The following MERTK variants were observed in gnomAD, a reference collection of about 807,000 sequenced individuals.
MERTK encodes tyrosine-protein kinase Mer.
A neutral mutation model predicts 99.3 loss-of-function variants in MERTK; 69 were observed. That is an observed-to-expected ratio of 0.70 (90% confidence interval 0.57 to 0.85). MERTK has a LOEUF of 0.85. MERTK is among the 40% of genes least tolerant of loss of function. The pLI, the probability that MERTK is intolerant of heterozygous loss-of-function variation, is 0.00. For synonymous variants in MERTK, 426 were observed against 467.6 expected, an observed-to-expected ratio of 0.91 and a Z score of 1.15; for missense variants, 1,125 against 1,249.4, an observed-to-expected ratio of 0.90 and a Z score of 1.50.
At chr2:112,007,489 A>G (rs1677006939) in intron 13 of MERTK, among the ~76,000 whole-genome samples, 1 of 151,936 alleles carries the variant, frequency 6.6e-6, no homozygotes, top group South Asian at 2.1e-4. Flanking sequence ...GAACCTCTAC[A>G]CCTACCGAAC....
chr2:111,935,180 G>A (rs1684742166), intron 2 of MERTK, among the ~76,000 whole-genome samples: 1 of 152,076 alleles, frequency 6.6e-6, no homozygotes, highest in Admixed American at 6.5e-5. Context: ...TATCAAAATG[G>A]CCATCCTTGC....
At chr2:112,009,299 A>C (rs1201598479) in intron 14 of MERTK, among the ~76,000 whole-genome samples, 1 of 152,220 alleles carries the variant, frequency 6.6e-6, no homozygotes, top group Non-Finnish European at 1.5e-5. Flanking sequence ...GAACAATTGC[A>C]CTTTGTGATC....
At chr2:112,009,063 C>T (rs1303527478) in intron 14 of MERTK, among the ~76,000 whole-genome samples, 5 of 152,142 alleles carry the variant, frequency 3.3e-5, no homozygotes, top group Non-Finnish European at 7.3e-5. Context: ...GGCTCTGTCC[C>T]AAGAGAGAAG....
rs1051747520 is a variant in MERTK, at chr2:111,911,928, A to G, written c.61+13132A>G. Among the ~76,000 whole-genome samples the G allele has an allele frequency of 8.6e-5, 13 of 151,764 alleles. No individual in the cohort carries two copies. The East Asian group carries it at 2.3e-3, about 27-fold the overall frequency. The stretch of plus-strand genomic sequence containing the variant: ...GGTCTCTAACTCCTGGGGTCAAGTG[A>G]TCCTCCTGCCTCGGCCTGCCAAAGT... On this transcript the variant is annotated intron_variant, in intron 1 of 18. Transcript: ENST00000295408.
chr2:111,947,786 G>T (rs1401104943), intron 4 of MERTK, among the ~76,000 whole-genome samples: 2 of 152,134 alleles, frequency 1.3e-5, no homozygotes, highest in Non-Finnish European at 2.9e-5. Flanking sequence ...GCCTCTGGGG[G>T]TACATAGGGT....
chr2:111,944,908 A>G (rs1045755361), intron 2 of MERTK, 52 bp from the exon 3 acceptor site: 40 of 1,434,142 alleles, frequency 2.8e-5, no homozygotes, highest in Non-Finnish European at 3.8e-5. Flanking sequence ...ATCCTATAAT[A>G]GGAACTCAAA....
At chr2:111,987,383 C>T (rs1464032639) in intron 8 of MERTK, among the ~76,000 whole-genome samples, 1 of 152,090 alleles carries the variant, frequency 6.6e-6, no homozygotes, top group Non-Finnish European at 1.5e-5. Flanking sequence ...TTCTATTTTT[C>T]TTGCGATTCC....
rs368347736 is a variant in MERTK, at chr2:112,003,980, G to A, written c.1863G>A (p.Met621Ile). ...GTSLKVAVKT[M>I]KLDNSSQREI... ...CTCTGAAAGTGGCAGTGAAGACCAT[G>A]AAGTGTGAGTTATCAGTGATGAATC... Residue 621 changes from methionine to isoleucine, a missense_variant, in exon 13 of 19, where the codon ATG becomes ATA. By Grantham distance (10) the Met-to-Ile change is conservative. Coordinates refer to ENST00000295408, the MANE Select transcript of MERTK (RefSeq NM_006343.3). 6.2e-7 allele frequency: 1 copy of A among 1,611,730 alleles called. No individual in the cohort carries two copies. The highest frequency in any genetic ancestry group is 1.3e-5 in the African/African-American group (1 of 74,866).
At chr2:111,916,566 A>T (rs937107387) in intron 1 of MERTK, among the ~76,000 whole-genome samples, 3 of 151,848 alleles carry the variant, frequency 2.0e-5, no homozygotes, top group African/African-American at 4.8e-5. Context: ...TTTTAAAAAG[A>T]TCTTCTATTT....
intron 1 of MERTK, among the ~76,000 whole-genome samples, chr2:111,904,574 C>T (rs1163567028): frequency 1.3e-5 from 2 of 152,188 alleles, no homozygotes; most frequent in East Asian, 3.9e-4. Context: ...CGGGGTTTCA[C>T]CGTGTTGGGC....
chr2:111,957,144 G>A (rs919919729), intron 4 of MERTK, among the ~76,000 whole-genome samples: 3 of 151,616 alleles, frequency 2.0e-5, no homozygotes, highest in African/African-American at 7.3e-5. Flanking sequence ...AGCCAGGATG[G>A]TCTCGATCTC....
chr2:111,966,909 A>T (rs1685368807), intron 5 of MERTK, among the ~76,000 whole-genome samples: 1 of 152,090 alleles, frequency 6.6e-6, no homozygotes, highest in South Asian at 2.1e-4. Context: ...TCATTCCATC[A>T]TCACCTTCAT....
At chr2:111,992,416 G>T (rs1380991967) in intron 8 of MERTK, among the ~76,000 whole-genome samples, 5 of 152,060 alleles carry the variant, frequency 3.3e-5, no homozygotes, top group African/African-American at 1.2e-4. Context: ...CATGTGCCTT[G>T]CCCTGTATAG....
intron 16 of MERTK, chr2:112,020,625 A>C (rs1231875458): frequency 2.1e-6 from 1 of 470,952 alleles, no homozygotes; most frequent in Non-Finnish European, 4.4e-6. Context: ...CCATCTTAGC[A>C]AGAAGCCCAG....
intron 8 of MERTK, among the ~76,000 whole-genome samples, chr2:111,988,131 C>G (rs1676526433): frequency 6.6e-6 from 1 of 151,974 alleles, no homozygotes; most frequent in South Asian, 2.1e-4. Flanking sequence ...TGTACTTGGC[C>G]CAAGACCTCG....
chr2:112,001,382 C>T (rs972668727), intron 11 of MERTK, 96 bp downstream of exon 11: 12 of 990,988 alleles, frequency 1.2e-5, no homozygotes, highest in African/African-American at 4.8e-5. Flanking sequence ...CCAAAGATGT[C>T]GAAGAAGAAT....
At chr2:111,920,191 A>G (rs890767810) in intron 1 of MERTK, among the ~76,000 whole-genome samples, 6 of 152,214 alleles carry the variant, frequency 3.9e-5, no homozygotes, top group African/African-American at 1.4e-4. Flanking sequence ...TGGCAACCCA[A>G]TGCCAACACC....
chr2:111,970,608 C>G (rs1034141934), intron 6 of MERTK, among the ~76,000 whole-genome samples: 8 of 152,252 alleles, frequency 5.3e-5, no homozygotes, highest in African/African-American at 1.7e-4. Flanking sequence ...CTTGTGGTAG[C>G]TTTTTCTGGT....
At chr2:112,000,518 G>A (rs1676846758) in intron 10 of MERTK, among the ~76,000 whole-genome samples, 1 of 152,130 alleles carries the variant, frequency 6.6e-6, no homozygotes, top group African/African-American at 2.4e-5. Flanking sequence ...CCCCTCTATT[G>A]CAATGTGTTC....
Sources: gnomAD v4.1 joint callset for allele counts (sites outside exome capture counted in the v4.1 genomes callset) on GRCh38, gnomAD v4.1.1 for gene constraint, MANE v1.5 for transcripts, NCBI Gene and HGNC (gene_info 2026-07-23, HGNC 2026-07-21) for gene names.